The following OR1A1 variants were observed in gnomAD, a reference collection of about 807,000 sequenced individuals.
OR1A1 encodes the protein olfactory receptor 1A1.
For missense variants in OR1A1, 391 were observed against 379.9 expected, an observed-to-expected ratio of 1.03 and a Z score of -0.24; for synonymous variants, 145 against 147.8, an observed-to-expected ratio of 0.98 and a Z score of 0.13.
chr17:3,215,557 T>A, intron 3 of OR1A1, 59 bp from the exon 4 acceptor site: 3 of 1,230,908 alleles, frequency 2.4e-6, no homozygotes, highest in Non-Finnish European at 3.5e-6. Flanking sequence ...AGAAGGATTA[T>A]CACTACACAC....
intron 2 of OR1A1, among the ~76,000 whole-genome samples, chr17:3,211,287 C>G (rs1298958832): frequency 6.6e-6 from 1 of 152,066 alleles, no homozygotes; most frequent in Non-Finnish European, 1.5e-5. Flanking sequence ...CAAAAAGTAC[C>G]TCACTTTCTT....
At chr17:3,215,422 T>C (rs1300659469) in intron 3 of OR1A1, among the ~76,000 whole-genome samples, 194 bp from the exon 4 acceptor site, 1 of 152,154 alleles carries the variant, frequency 6.6e-6, no homozygotes, top group Non-Finnish European at 1.5e-5. Flanking sequence ...GACATGACTA[T>C]AAAGGGGTGA....
chr17:3,215,738 A>G lies in OR1A1; in HGVS notation c.118A>G (p.Ile40Val). 1 of 1,614,058 alleles carries G rather than the reference A, an allele frequency of 6.2e-7. No individual in the cohort carries two copies. The highest frequency in any genetic ancestry group is 8.5e-7 in the Non-Finnish European group (1 of 1,180,004). ...LFLFIYPITLIGNLLIVLAIC... is the reference protein window; with the variant it reads ...LFLFIYPITLVGNLLIVLAIC... ...CTTGTTCATTTACCCCATCACATTG[A>G]TTGGAAACCTGCTCATCGTCCTAGC... is the stretch of plus-strand genomic sequence containing the variant. The change falls in exon 4 of 4, where the codon ATT becomes GTT. Residue 40 changes from isoleucine to valine, a missense_variant. Transcript: ENST00000641732.
intron 2 of OR1A1, among the ~76,000 whole-genome samples, chr17:3,210,207 T>A (rs2048434812): frequency 6.6e-6 from 1 of 151,868 alleles, no homozygotes; most frequent in African/African-American, 2.4e-5. Flanking sequence ...CCCAGGCTGG[T>A]CTTGAATTCC....
chr17:3,208,607 C>T lies in OR1A1; in HGVS notation c.-530C>T, dbSNP rs2048424443. Reference sequence around the variant, plus strand: ...ATTGTTCTCAGCACCACCCCATTCACATGGCTGATATCTCAGAGGATGACG... The same window carrying T: ...ATTGTTCTCAGCACCACCCCATTCATATGGCTGATATCTCAGAGGATGACG... On this transcript the variant is annotated 5_prime_UTR_variant, in exon 2 of 4. Transcript: ENST00000641732. The T allele has an allele frequency of 6.6e-6, 1 of 152,212 alleles. No homozygotes were observed. Among genetic ancestry groups the T allele is most frequent in the East Asian group, 1.9e-4 (1 of 5,194 alleles). The allele number at this position is 152,212 out of a possible 1,614,324, so 9.4% of individuals were successfully genotyped here. A position where few individuals can be genotyped will look rare whatever the true frequency, so the allele number is the denominator to read the frequency against.
At position 3,216,198 on chromosome 17, in the gene OR1A1, A is replaced by T. The variant is rs1466817989; in HGVS notation, c.578A>T (p.His193Leu). The change falls in exon 4 of 4, where the codon CAC becomes CTC. Residue 193 changes from histidine to leucine, a missense_variant. Physicochemically the swap from His to Leu is moderately conservative, Grantham distance 99. Transcript: ENST00000641732. Reference sequence around the variant, plus strand: ...CTGAAGTTATCCTGTTCTGACATCCACTTTCATGTGAAGATGATGTACCTA... The same window carrying T: ...CTGAAGTTATCCTGTTCTGACATCCTCTTTCATGTGAAGATGATGTACCTA... ...PLLKLSCSDI[H>L]FHVKMMYLGV... The T allele has an allele frequency of 6.2e-7, 1 of 1,614,066 alleles. No individual in the cohort carries two copies. Among genetic ancestry groups the T allele is most frequent in the African/African-American group, 1.3e-5 (1 of 75,000 alleles).
chr17:3,209,888 C>T (rs1159955709), intron 2 of OR1A1, among the ~76,000 whole-genome samples: 2 of 152,218 alleles, frequency 1.3e-5, no homozygotes, highest in South Asian at 2.1e-4. Context: ...TATTCCTATT[C>T]AGAATTTACA....
intron 2 of OR1A1, among the ~76,000 whole-genome samples, chr17:3,209,499 T>A (rs7208196): frequency 1.3e-5 from 2 of 152,018 alleles, no homozygotes; most frequent in Non-Finnish European, 2.9e-5. Context: ...TTTTAAAAAA[T>A]TTTTGTGGGT....
intron 3 of OR1A1, chr17:3,212,853 G>A (rs1253374053): frequency 5.9e-5 from 9 of 152,370 alleles, no homozygotes; most frequent in African/African-American, 1.9e-4. Flanking sequence ...TGGAGAAATG[G>A]GCTGCCGGAT....
In OR1A1 at chr17:3,208,988, T is replaced by C. The variant is rs1193855291; in HGVS notation, c.-149T>C. On this transcript the variant is annotated 5_prime_UTR_variant, in exon 2 of 4. An upstream start codon of the reference 5' UTR is lost. Coordinates refer to ENST00000641732, the MANE Select transcript of OR1A1 (RefSeq NM_014565.3). ...AAGCTCATCATCTAGATTATACAAA[T>C]GGAACATTAGGTATTTGCTCCAACT... The C allele has an allele frequency of 6.6e-6, 1 of 152,140 alleles. No individual in the cohort carries two copies. Among genetic ancestry groups the C allele is most frequent in the African/African-American group, 2.4e-5 (1 of 41,444 alleles). 9.4% of individuals were successfully genotyped at this position (152,140 alleles called of 1,614,324 possible). A position where few individuals can be genotyped will look rare whatever the true frequency, so the allele number is the denominator to read the frequency against.
Position 3,207,892 on chromosome 17 carries a change from A to G in OR1A1, c.-665A>G, listed in dbSNP as rs2048419210. 1 of 152,250 alleles carries G rather than the reference A, an allele frequency of 6.6e-6. No homozygotes were observed. The highest frequency in any genetic ancestry group is 1.5e-5 in the Non-Finnish European group (1 of 68,060). The allele number at this position is 152,250 out of a possible 1,614,324, so 9.4% of individuals were successfully genotyped here. On this transcript the variant is annotated 5_prime_UTR_variant, in exon 1 of 4. Coordinates refer to ENST00000641732, the MANE Select transcript of OR1A1 (RefSeq NM_014565.3). ...GGCCACAGGGCCAGGACCCTTTTTA[A>G]AAGCATCTGAACTGACTCCACAGAT...
chr17:3,213,979 A>G (rs2048454722), intron 3 of OR1A1: 1 of 152,222 alleles, frequency 6.6e-6, no homozygotes, highest in Non-Finnish European at 1.5e-5. Flanking sequence ...TTAGCATTAC[A>G]ATACTTCAGG....
At chr17:3,214,535 G>GAAAAAAAAAAAAAAAAAAAAAAA (rs10554992) in intron 3 of OR1A1, 1 of 136,422 alleles carries the variant, frequency 7.3e-6, no homozygotes, top group Non-Finnish European at 1.5e-5. Context: ...AAAAAAAAAA[G>GAAAAAAAAAAAAAAAAAAAAAAA]AAAAAAAAAA....
Position 3,208,174 on chromosome 17 carries a change from T to G in OR1A1, c.-557+174T>G, listed in dbSNP as rs909750862. On this transcript the variant is annotated intron_variant, in intron 1 of 3. Transcript: ENST00000641732. Reference sequence around the variant, plus strand: ...AGAGATAGAGATAGAGATAGAGATATATATATAGAGAGAGAGAGAGGAGGA... The same window carrying G: ...AGAGATAGAGATAGAGATAGAGATAGATATATAGAGAGAGAGAGAGGAGGA... Among the ~76,000 whole-genome samples, 1,148 of 149,098 alleles carry G rather than the reference T, an allele frequency of 7.7e-3. 13 individuals carry two copies. Among genetic ancestry groups the G allele is most frequent in the African/African-American group, 0.025 (1,012 of 40,888 alleles).
chr17:3,211,082 T>A (rs1486389459), intron 2 of OR1A1, among the ~76,000 whole-genome samples: 1 of 152,214 alleles, frequency 6.6e-6, no homozygotes, highest in Non-Finnish European at 1.5e-5. Flanking sequence ...CCAATGACTC[T>A]GGGCTAAATA....
At position 3,215,795 on chromosome 17, in the gene OR1A1, A is replaced by G. The variant is rs1333867331; in HGVS notation, c.175A>G (p.Met59Val). ...ICSDVRLHNPMYFLLANLSLV... is the reference protein window; with the variant it reads ...ICSDVRLHNPVYFLLANLSLV... The stretch of plus-strand genomic sequence containing the variant: ...CTCTGATGTTCGCCTTCACAACCCC[A>G]TGTATTTTCTCCTTGCCAACCTCTC... The change falls in exon 4 of 4, where the codon ATG becomes GTG. Residue 59 changes from methionine (M) to valine (V), a missense_variant. By Grantham distance (21) the Met-to-Val change is conservative (BLOSUM62 1). Coordinates refer to ENST00000641732, the MANE Select transcript of OR1A1 (RefSeq NM_014565.3). The G allele has an allele frequency of 1.2e-6, 2 of 1,613,848 alleles. No homozygotes were observed. Among genetic ancestry groups the G allele is most frequent in the East Asian group, 2.2e-5 (1 of 44,876 alleles).
intron 2 of OR1A1, 68 bp from the exon 3 acceptor site, chr17:3,212,399 G>A (rs941879702): frequency 6.6e-6 from 1 of 151,596 alleles, no homozygotes; most frequent in Non-Finnish European, 1.5e-5. Flanking sequence ...TTTAGGTATG[G>A]TTATGTGTTT....
Position 3,215,882 on chromosome 17 carries a change from G to T in OR1A1, c.262G>T (p.Gly88Cys), listed in dbSNP as rs2048465281. ...TAAGATGCTGGCCAACCATCTCTTG[G>T]GCAGCAAATCCATCTCTTTTGGGGG... ...IPKMLANHLL[G>C]SKSISFGGCL... The change falls in exon 4 of 4, where the codon GGC becomes TGC. Residue 88 changes from glycine to cysteine, a missense_variant. Gly to Cys is a radical substitution (Grantham distance 159). Coordinates refer to ENST00000641732, the MANE Select transcript of OR1A1 (RefSeq NM_014565.3). The T allele has an allele frequency of 6.2e-7, 1 of 1,614,000 alleles. No individual in the cohort carries two copies. Among genetic ancestry groups the T allele is most frequent in the African/African-American group, 1.3e-5 (1 of 74,972 alleles).
intron 2 of OR1A1, among the ~76,000 whole-genome samples, chr17:3,210,960 A>G (rs951724271): frequency 1.3e-5 from 2 of 152,172 alleles, no homozygotes; most frequent in Non-Finnish European, 2.9e-5. Flanking sequence ...TTGATAGCAT[A>G]CACAAATTTT....
Sources: gnomAD v4.1 joint callset for allele counts (sites outside exome capture counted in the v4.1 genomes callset) on GRCh38, gnomAD v4.1.1 for gene constraint, MANE v1.5 for transcripts, NCBI Gene and HGNC (gene_info 2026-07-23, HGNC 2026-07-21) for gene names.